MOB3B: variants seen among roughly 807,000 people sequenced by gnomAD.
MOB3B encodes the protein MOB kinase activator 3B.
In MOB3B, 7 loss-of-function variants were observed where a neutral mutation model predicts 18.7. The ratio of observed to expected loss-of-function variants is 0.37; its 90% CI spans 0.21 to 0.70. The LOEUF (loss-of-function observed/expected upper bound fraction) is 0.70, where lower values mean the gene tolerates loss of function less well. Among genes scored for constraint, MOB3B ranks in the 30% least tolerant of loss-of-function variants. The probability of loss-of-function intolerance (pLI) is 0.52; values close to 1 mark genes in which losing one functional copy is unlikely to be tolerated. For synonymous variants in MOB3B, 111 were observed against 99.9 expected, an observed-to-expected ratio of 1.11 and a Z score of -0.66; for missense variants, 253 against 281.3, an observed-to-expected ratio of 0.90 and a Z score of 0.72.
intron 2 of MOB3B, among the ~76,000 whole-genome samples, chr9:27,402,879 C>A (rs913712516): frequency 6.6e-6 from 1 of 152,220 alleles, no homozygotes; most frequent in African/African-American, 2.4e-5. Context: ...TCAGAGACAG[C>A]CAACAGCTTG....
intron 1 of MOB3B, among the ~76,000 whole-genome samples, chr9:27,521,157 G>A (rs569824358): frequency 6.6e-6 from 1 of 152,272 alleles, no homozygotes; most frequent in South Asian, 2.1e-4. Context: ...CAGCCTCCTC[G>A]AGATCATGCA....
intron 2 of MOB3B, among the ~76,000 whole-genome samples, chr9:27,422,272 C>G (rs923437645): frequency 2.0e-5 from 3 of 152,174 alleles, no homozygotes; most frequent in Admixed American, 6.5e-5. Context: ...CCACTATTTC[C>G]TCAGTTCATT....
At chr9:27,376,217 A>G (rs2131370853) in intron 2 of MOB3B, among the ~76,000 whole-genome samples, 1 of 152,380 alleles carries the variant, frequency 6.6e-6, no homozygotes, top group African/African-American at 2.4e-5. Context: ...ATCAAGACAA[A>G]GTAATACTTA....
In MOB3B at chr9:27,458,709, C is replaced by A. The variant is rs565507764; in HGVS notation, c.-198-2961G>T. Reference sequence around the variant, plus strand: ...GGGACCGTAGGTGCATGCCACAATGCCTGGCTAAGTATTTTATCTTGTATT... The same window carrying A: ...GGGACCGTAGGTGCATGCCACAATGACTGGCTAAGTATTTTATCTTGTATT... On this transcript the variant is annotated intron_variant, in intron 1 of 3. Transcript: ENST00000262244. Among the ~76,000 whole-genome samples, 30 of 151,278 alleles carry A rather than the reference C, an allele frequency of 2.0e-4. 1 individual carries two copies. The South Asian group carries it at 3.8e-3, about 19-fold the overall frequency.
At chr9:27,456,995 T>C (rs1272060559) in intron 1 of MOB3B, among the ~76,000 whole-genome samples, 3 of 152,224 alleles carry the variant, frequency 2.0e-5, no homozygotes, top group Non-Finnish European at 2.9e-5. Flanking sequence ...AGATTTATAA[T>C]AGGTCTAATA....
chr9:27,448,168 T>A (rs1202143953), intron 2 of MOB3B, among the ~76,000 whole-genome samples: 1 of 152,132 alleles, frequency 6.6e-6, no homozygotes, highest in East Asian at 1.9e-4. Flanking sequence ...GCTTTGGAGT[T>A]GAGACACCTT....
At chr9:27,347,721 T>A (rs1052044303) in intron 3 of MOB3B, among the ~76,000 whole-genome samples, 1 of 152,230 alleles carries the variant, frequency 6.6e-6, no homozygotes, top group Non-Finnish European at 1.5e-5. Flanking sequence ...TAGGCAGGTG[T>A]ACCATTTTTT....
rs61043046 is a variant in MOB3B, at chr9:27,365,162, C to CA, written c.419-5927dup. Among the ~76,000 whole-genome samples the CA allele has an allele frequency of 2.9e-3, 315 of 109,778 alleles. 5 individuals are homozygous for CA. Among genetic ancestry groups the CA allele is most frequent in the Middle Eastern group, 5.0e-3 (1 of 202 alleles). 72.0% of individuals were successfully genotyped at this position (109,778 alleles called of 152,430 possible). ...TCCATCATCTCCTGTTTGGGGGAGG[C>CA]AAAAAAAAAAAAAGAAAACCCACAG... is the stretch of plus-strand genomic sequence containing the variant. On this transcript the variant is annotated intron_variant, in intron 2 of 3. Coordinates refer to ENST00000262244, the MANE Select transcript of MOB3B (RefSeq NM_024761.5).
intron 2 of MOB3B, among the ~76,000 whole-genome samples, chr9:27,415,074 C>T (rs1212466784): frequency 6.6e-6 from 1 of 152,078 alleles, no homozygotes; most frequent in Non-Finnish European, 1.5e-5. Flanking sequence ...GTTGGCCAGG[C>T]TGGTTTCAAA....
chr9:27,463,274 A>G (rs770189017), intron 1 of MOB3B, among the ~76,000 whole-genome samples: 9 of 152,124 alleles, frequency 5.9e-5, no homozygotes, highest in Non-Finnish European at 1.3e-4. Context: ...AACCTTATGA[A>G]TAGGTATTAT....
intron 1 of MOB3B, among the ~76,000 whole-genome samples, chr9:27,491,674 C>A (rs1160299654): frequency 1.3e-5 from 2 of 152,148 alleles, no homozygotes; most frequent in Non-Finnish European, 2.9e-5. Context: ...GAGATTGAGA[C>A]CATCCTGGCT....
intron 2 of MOB3B, among the ~76,000 whole-genome samples, chr9:27,401,396 T>C (rs1821876197): frequency 6.6e-6 from 1 of 152,148 alleles, no homozygotes; most frequent in Non-Finnish European, 1.5e-5. Context: ...TTGGGTGACA[T>C]ACAAGTCACG....
chr9:27,393,250 A>C (rs1191982400), intron 2 of MOB3B, among the ~76,000 whole-genome samples: 4 of 152,182 alleles, frequency 2.6e-5, no homozygotes, highest in African/African-American at 4.8e-5. Context: ...TTTATGAAGA[A>C]GTTATTTCCC....
chr9:27,455,298 G>GT lies in MOB3B; in HGVS notation c.252_253insA (p.Arg85ThrfsTer13). On this transcript the variant is annotated frameshift_variant, in exon 2 of 4. Coordinates refer to ENST00000262244, the MANE Select transcript of MOB3B (RefSeq NM_024761.5). LOFTEE classifies it high-confidence loss of function. Reference sequence around the variant, plus strand: ...CCCCCTGACATCACAGGACAGGTCCGCTCGGTGCAGAACTCACAGATGGTG... The same window carrying GT: ...CCCCCTGACATCACAGGACAGGTCCGTCTCGGTGCAGAACTCACAGATGGTG... 1 of 1,614,056 alleles carries GT rather than the reference G, an allele frequency of 6.2e-7. No homozygotes were observed.
intron 3 of MOB3B, among the ~76,000 whole-genome samples, chr9:27,338,646 C>T (rs1217589419): frequency 6.6e-6 from 1 of 152,194 alleles, no homozygotes; most frequent in Admixed American, 6.5e-5. Context: ...AAGCGGGAAC[C>T]GTAGAAGGTG....
At chr9:27,448,208 C>A (rs928258299) in intron 2 of MOB3B, among the ~76,000 whole-genome samples, 7 of 152,142 alleles carry the variant, frequency 4.6e-5, no homozygotes, top group Admixed American at 4.6e-4. Flanking sequence ...GCCTGTGTGA[C>A]CCTGGCAAGT....
chr9:27,428,196 A>T (rs1271618616), intron 2 of MOB3B, among the ~76,000 whole-genome samples: 1 of 152,156 alleles, frequency 6.6e-6, no homozygotes, highest in Non-Finnish European at 1.5e-5. Context: ...GGTGATGAAA[A>T]AATAATGTCC....
At chr9:27,336,657 T>C (rs1820867984) in intron 3 of MOB3B, among the ~76,000 whole-genome samples, 1 of 152,114 alleles carries the variant, frequency 6.6e-6, no homozygotes, top group Non-Finnish European at 1.5e-5. Flanking sequence ...GACATTATGT[T>C]GTGTACTTCT....
At chr9:27,404,715 G>A (rs1321223523) in intron 2 of MOB3B, among the ~76,000 whole-genome samples, 2 of 152,116 alleles carry the variant, frequency 1.3e-5, no homozygotes, top group Non-Finnish European at 2.9e-5. Flanking sequence ...CTTGGCTATT[G>A]TGAACAGTGG....
Sources: allele counts gnomAD v4.1 joint callset (sites outside exome capture counted in the v4.1 genomes callset), GRCh38; gene constraint gnomAD v4.1.1; transcripts MANE v1.5; gene names NCBI Gene and HGNC (gene_info 2026-07-23, HGNC 2026-07-21).